DAPK2: variants seen among roughly 807,000 people sequenced by gnomAD.
DAPK2 encodes death-associated protein kinase 2.
Under a neutral mutation model 44.1 loss-of-function variants are expected in DAPK2, and 35 were observed. The observed-to-expected ratio is 0.79, with a 90% CI of 0.61 to 1.05. DAPK2 has a LOEUF of 1.05. Among genes scored for constraint, DAPK2 ranks in the 50% least tolerant of loss-of-function variants. The pLI, the probability that DAPK2 is intolerant of heterozygous loss-of-function variation, is 0.00. For missense variants in DAPK2, 453 were observed against 483.2 expected (o/e 0.94, Z 0.59); for synonymous variants, 174 against 182.6 (o/e 0.95, Z 0.38).
intron 4 of DAPK2, among the ~76,000 whole-genome samples, chr15:63,933,814 G>T (rs2077049136): frequency 6.6e-6 from 1 of 150,554 alleles, no homozygotes; most frequent in African/African-American, 2.4e-5. Context: ...GCCCAGGCTG[G>T]TCTTCAATTT....
At chr15:64,044,231 T>A (rs1481916160), upstream of DAPK2, among the ~76,000 whole-genome samples, 15 of 152,208 alleles carry the variant, frequency 9.9e-5, no homozygotes, top group Non-Finnish European at 1.5e-5. Context: ...GATACCCACC[T>A]TAATGCCCAT....
At position 63,985,939 on chromosome 15, in the gene DAPK2, C is replaced by T. The variant is rs567529853; in HGVS notation, c.93-2185G>A. On this transcript the variant is annotated intron_variant, in intron 1 of 10. Coordinates refer to ENST00000261891, the Ensembl canonical transcript of DAPK2. ...GACAGCTGTGGCAATGAGTGGTGAC[C>T]GGGGCAGGCCCACTGCACAGGCATC... Among the ~76,000 whole-genome samples the T allele has an allele frequency of 1.1e-4, 17 of 152,336 alleles. No individual in the cohort carries two copies. The East Asian group carries it at 2.9e-3, about 26-fold the overall frequency.
intron 2 of DAPK2, among the ~76,000 whole-genome samples, chr15:63,979,438 G>T (rs1399457542): frequency 6.6e-6 from 1 of 152,214 alleles, no homozygotes; most frequent in Non-Finnish European, 1.5e-5. Flanking sequence ...GACAACAGTT[G>T]CTGAGAGGGG....
intron 3 of DAPK2, chr15:63,942,116 C>T (rs2077326594): frequency 1.4e-6 from 1 of 726,474 alleles, no homozygotes; most frequent in African/African-American, 1.9e-5. Flanking sequence ...ACCTGGTGAT[C>T]CCCAGGACTA....
At chr15:64,040,615 T>C (rs2080326297), upstream of DAPK2, among the ~76,000 whole-genome samples, 1 of 151,820 alleles carries the variant, frequency 6.6e-6, no homozygotes. Context: ...TGTTGTACAG[T>C]TTTTAAAAAA....
intron 1 of DAPK2, among the ~76,000 whole-genome samples, chr15:64,008,164 A>G (rs535631364): frequency 1.7e-4 from 26 of 152,172 alleles, no homozygotes; most frequent in Non-Finnish European, 2.9e-4. Flanking sequence ...GAATGTACTA[A>G]TGGCTTTAGG....
chr15:64,016,910 TA>T (rs2079548943), intron 1 of DAPK2, among the ~76,000 whole-genome samples: 1 of 150,652 alleles, frequency 6.6e-6, no homozygotes, highest in Non-Finnish European at 1.5e-5. Flanking sequence ...GACGGACATG[TA>T]AAATGCCCAG....
At chr15:64,045,198 G>A (rs2080433619), upstream of DAPK2, among the ~76,000 whole-genome samples, 1 of 152,134 alleles carries the variant, frequency 6.6e-6, no homozygotes, top group Admixed American at 6.5e-5. Flanking sequence ...CAGAGGAGCA[G>A]ACCTCCAGCC....
chr15:63,959,184 T>C (rs2077815105), intron 3 of DAPK2, among the ~76,000 whole-genome samples: 1 of 152,238 alleles, frequency 6.6e-6, no homozygotes, highest in Non-Finnish European at 1.5e-5. Flanking sequence ...AGAATGCTTG[T>C]GATTTTTGCA....
chr15:63,961,381 C>T lies in DAPK2; in HGVS notation c.453+10042G>A, dbSNP rs1331476191. The stretch of plus-strand genomic sequence containing the variant: ...TTGTTATGTGTGAATTTGATCCTGT[C>T]ATTATGATGTTAGCTGGCTATTTTG... On this transcript the variant is annotated intron_variant, in intron 3 of 10. Coordinates refer to ENST00000261891, the Ensembl canonical transcript of DAPK2. Among the ~76,000 whole-genome samples the T allele has an allele frequency of 3.3e-5, 5 of 152,318 alleles. No individual in the cohort carries two copies. The East Asian group carries it at 7.7e-4, about 23-fold the overall frequency.
chr15:63,912,005 A>G lies in DAPK2; in HGVS notation c.949-14T>C, dbSNP rs377259889. The G allele has an allele frequency of 1.3e-5, 21 of 1,613,044 alleles. No homozygotes were observed. The African/African-American group carries it at 2.4e-4, about 18-fold the overall frequency. ...GCTGAAGGAAAGCTGAGGGAGGCAG[A>G]GGAAAGGAATCCCCAGGTGAGAATG... is the stretch of plus-strand genomic sequence containing the variant. On this transcript the variant is annotated splice_polypyrimidine_tract_variant and intron_variant, in intron 9 of 10. Transcript: ENST00000261891. This position sits in a 1 kb window ranked among gnomAD's most constrained non-coding sequence, Gnocchi z 4.4.
At chr15:64,004,283 T>C (rs1010125272) in intron 1 of DAPK2, among the ~76,000 whole-genome samples, 6 of 152,218 alleles carry the variant, frequency 3.9e-5, no homozygotes, top group Non-Finnish European at 7.3e-5. Context: ...TAGCTGGATC[T>C]AGAGGCTTGA....
rs2078488749 is a variant in DAPK2, at chr15:63,980,907, T to C, written c.314+2626A>G. ...GAGTTCGAGACCAGCCTGGCCAACA[T>C]GGAGAAACCCCATCTCTACTAAAAA... On this transcript the variant is annotated intron_variant, in intron 2 of 10. Coordinates refer to ENST00000261891, the Ensembl canonical transcript of DAPK2. This position sits in a 1 kb window ranked among gnomAD's most constrained non-coding sequence, Gnocchi z 4.3. 6.6e-6 allele frequency among the ~76,000 whole-genome samples: 1 copy of C among 152,004 alleles called. No homozygotes were observed. Among genetic ancestry groups the C allele is most frequent in the Non-Finnish European group, 1.5e-5 (1 of 67,998 alleles).
intron 4 of DAPK2, among the ~76,000 whole-genome samples, chr15:63,931,592 T>G (rs1372777236): frequency 1.3e-5 from 2 of 151,944 alleles, no homozygotes; most frequent in African/African-American, 4.8e-5. Context: ...TTCCTGGGGG[T>G]CCCTGAGACA....
At chr15:63,932,799 T>C (rs1417469622) in intron 4 of DAPK2, 1 of 152,228 alleles carries the variant, frequency 6.6e-6, no homozygotes, top group Non-Finnish European at 1.5e-5. Flanking sequence ...GCTGCTGTTT[T>C]AGCTTTATAA....
At chr15:63,971,207 G>A (rs186068683) in intron 3 of DAPK2, among the ~76,000 whole-genome samples, 70 of 152,284 alleles carry the variant, frequency 4.6e-4, no homozygotes, top group Non-Finnish European at 8.7e-4. Flanking sequence ...GCAGCTTCTT[G>A]CAGTCAGCTC....
intron 4 of DAPK2, among the ~76,000 whole-genome samples, chr15:63,935,387 G>T: frequency 6.6e-6 from 1 of 152,050 alleles, no homozygotes; most frequent in East Asian, 1.9e-4. Flanking sequence ...CACCATGCCC[G>T]GCCTCATTCT....
chr15:64,030,979 T>TAC (rs71131201), intron 1 of DAPK2, among the ~76,000 whole-genome samples: 30,645 of 139,904 alleles, frequency 0.22, 3,369 homozygotes, highest in African/African-American at 0.29. Context: ...AATACACACA[T>TAC]ACACACACAC....
chr15:63,928,199 A>C (rs1399332287), intron 6 of DAPK2: 2 of 152,614 alleles, frequency 1.3e-5, no homozygotes, highest in African/African-American at 4.8e-5. Flanking sequence ...TACCCCTAGC[A>C]ATTGTGATAT....
Sources: allele counts gnomAD v4.1 joint callset (sites outside exome capture counted in the v4.1 genomes callset), GRCh38; gene constraint gnomAD v4.1.1; non-coding constraint Gnocchi (gnomAD v3.1); transcripts MANE v1.5; gene names NCBI Gene and HGNC (gene_info 2026-07-23, HGNC 2026-07-21).